Variants in GPR149 observed in about 807,000 individuals in gnomAD.
The protein encoded by GPR149 is probable G protein-coupled receptor 149.
GPR149 carries 50 observed loss-of-function variants against 50.2 expected under a neutral mutation model. That is an observed-to-expected ratio of 1.00 (90% confidence interval 0.79 to 1.26). The LOEUF (loss-of-function observed/expected upper bound fraction) is 1.26. Ranked by LOEUF, GPR149 falls within the 50% of genes most tolerant of loss-of-function variation. GPR149 has a pLI of 0.00. For missense variants in GPR149, 983 were observed against 895.4 expected (o/e 1.10, Z -1.25); for synonymous variants, 405 against 358.2 (o/e 1.13, Z -1.48).
In GPR149 at chr3:154,426,897, T is replaced by A. The variant is rs1027362553; in HGVS notation, c.1174+619A>T. Among the ~76,000 whole-genome samples the A allele has an allele frequency of 1.8e-4, 28 of 151,508 alleles. No individual in the cohort carries two copies. The East Asian group carries it at 5.5e-3, about 30-fold the overall frequency. On this transcript the variant is annotated intron_variant, in intron 2 of 3. Coordinates refer to ENST00000389740, the MANE Select transcript of GPR149 (RefSeq NM_001038705.3). ...GTGTGTGTGTGTGTGTGTGTGTGTG[T>A]GTGTGTGTGTGTGTGTGAGACAGAG...
intron 3 of GPR149, among the ~76,000 whole-genome samples, chr3:154,387,773 C>A (rs1715078021): frequency 6.6e-6 from 1 of 152,070 alleles, no homozygotes; most frequent in African/African-American, 2.4e-5. Context: ...AAGCTCCGGG[C>A]ACTCTCCAGA....
intron 3 of GPR149, among the ~76,000 whole-genome samples, chr3:154,388,739 G>T (rs991150472): frequency 6.6e-6 from 1 of 152,054 alleles, no homozygotes; most frequent in Non-Finnish European, 1.5e-5. Flanking sequence ...CTATCTGTAT[G>T]TGCTGGAGGT....
intron 3 of GPR149, among the ~76,000 whole-genome samples, chr3:154,376,751 C>T (rs1291096992): frequency 1.3e-5 from 2 of 152,122 alleles, no homozygotes; most frequent in African/African-American, 4.8e-5. Flanking sequence ...TGCAAAAACA[C>T]TCCCTCTCTT....
At chr3:154,345,692 C>T (rs776910243) in intron 3 of GPR149, among the ~76,000 whole-genome samples, 10 of 152,108 alleles carry the variant, frequency 6.6e-5, no homozygotes, top group Admixed American at 2.6e-4. Flanking sequence ...TTCTTCACTA[C>T]GAGCCTCCAG....
intron 3 of GPR149, among the ~76,000 whole-genome samples, chr3:154,401,651 T>TG (rs1258425253): frequency 6.6e-6 from 1 of 151,584 alleles, no homozygotes; most frequent in Non-Finnish European, 1.5e-5. Context: ...GAAGGCAAAC[T>TG]GGGGGGAAAA....
intron 3 of GPR149, among the ~76,000 whole-genome samples, chr3:154,367,645 G>T (rs1714561078): frequency 6.6e-6 from 1 of 152,070 alleles, no homozygotes; most frequent in Non-Finnish European, 1.5e-5. Flanking sequence ...TACCCACTTG[G>T]GACACCTTCC....
In GPR149 at chr3:154,335,445, T is replaced by C. The variant is rs1374204686; in HGVS notation, c.*2254A>G. The C allele has an allele frequency of 6.6e-6, 1 of 152,164 alleles. No individual in the cohort carries two copies. The highest frequency in any genetic ancestry group is 1.5e-5 in the Non-Finnish European group (1 of 67,988). 9.4% of individuals were successfully genotyped at this position (152,164 alleles called of 1,614,324 possible). A position where few individuals can be genotyped will look rare whatever the true frequency, so the allele number is the denominator to read the frequency against. On this transcript the variant is annotated 3_prime_UTR_variant, in exon 4 of 4. Transcript: ENST00000389740. The stretch of plus-strand genomic sequence containing the variant: ...ATTTTTCTTGTATATTCAGCTATTG[T>C]TGGCTTGGAGTTTGAAGTGTTACAG...
At position 154,429,641 on chromosome 3, in the gene GPR149, C is replaced by G. The variant is rs1317494029; in HGVS notation, c.-26G>C. 1 of 1,581,426 alleles carries G rather than the reference C, an allele frequency of 6.3e-7. No homozygotes were observed. The highest frequency in any genetic ancestry group is 8.6e-7 in the Non-Finnish European group (1 of 1,159,782). ...TGTCCTTGGTCAATATTTAATTTCC[C>G]TTATCAATGAGTCTGATAATTTTCT... On this transcript the variant is annotated 5_prime_UTR_variant, in exon 1 of 4. Coordinates refer to ENST00000389740, the MANE Select transcript of GPR149 (RefSeq NM_001038705.3).
chr3:154,394,035 A>T (rs1229922634), intron 3 of GPR149, among the ~76,000 whole-genome samples: 1 of 152,002 alleles, frequency 6.6e-6, no homozygotes, highest in African/African-American at 2.4e-5. Context: ...AAACCCAATC[A>T]CATCTTTTAC....
intron 3 of GPR149, among the ~76,000 whole-genome samples, chr3:154,366,726 A>T (rs1714540934): frequency 6.6e-6 from 1 of 152,182 alleles, no homozygotes; most frequent in Admixed American, 6.5e-5. Context: ...TGGCATTGAG[A>T]TGTCCTGTCT....
intron 3 of GPR149, among the ~76,000 whole-genome samples, chr3:154,357,025 C>T (rs541288591): frequency 1.3e-5 from 2 of 152,072 alleles, no homozygotes; most frequent in Non-Finnish European, 2.9e-5. Flanking sequence ...AGAAATAATG[C>T]CACATATTTA....
intron 3 of GPR149, among the ~76,000 whole-genome samples, chr3:154,415,008 A>G (rs988096154): frequency 6.6e-6 from 1 of 152,012 alleles, no homozygotes; most frequent in East Asian, 1.9e-4. Flanking sequence ...GTAACTTTAC[A>G]TTAGTGGAAA....
chr3:154,402,366 T>G (rs1711567212), intron 3 of GPR149, among the ~76,000 whole-genome samples: 1 of 151,656 alleles, frequency 6.6e-6, no homozygotes, highest in Non-Finnish European at 1.5e-5. Flanking sequence ...TGGTGAGCTA[T>G]GATCATACCA....
At chr3:154,416,854 C>G (rs1712004565) in intron 3 of GPR149, among the ~76,000 whole-genome samples, 1 of 151,874 alleles carries the variant, frequency 6.6e-6, no homozygotes, top group African/African-American at 2.4e-5. Context: ...AATGGAGGAC[C>G]TTGCACCTTA....
chr3:154,421,501 A>G lies in GPR149; in HGVS notation c.1175-14T>C, dbSNP rs1489537977. 7.0e-7 allele frequency: 1 copy of G among 1,432,580 alleles called. No homozygotes were observed. Among genetic ancestry groups the G allele is most frequent in the South Asian group, 1.3e-5 (1 of 75,504 alleles). The allele number at this position is 1,432,580 out of a possible 1,614,324, so 88.7% of individuals were successfully genotyped here. A position where few individuals can be genotyped will look rare whatever the true frequency, so the allele number is the denominator to read the frequency against. ...CTTTTCTCTTGACTGAGTAAAAATAAAAACAACAGTTTATGGCTAGTAAGG... is the reference window on the plus strand; with the variant it reads ...CTTTTCTCTTGACTGAGTAAAAATAGAAACAACAGTTTATGGCTAGTAAGG... On this transcript the variant is annotated splice_polypyrimidine_tract_variant and intron_variant, in intron 2 of 3. Transcript: ENST00000389740.
At chr3:154,374,688 C>CAT (rs201097777) in intron 3 of GPR149, among the ~76,000 whole-genome samples, 485 of 151,974 alleles carry the variant, frequency 3.2e-3, no homozygotes, top group African/African-American at 0.011. Context: ...GTCCAAAGGG[C>CAT]ATATATATAT....
chr3:154,367,394 T>A (rs1258995852), intron 3 of GPR149, among the ~76,000 whole-genome samples: 1 of 151,714 alleles, frequency 6.6e-6, no homozygotes, highest in Non-Finnish European at 1.5e-5. Context: ...TCAGCAGACC[T>A]TATCTATGCT....
At chr3:154,364,701 G>A (rs927883183) in intron 3 of GPR149, among the ~76,000 whole-genome samples, 1 of 152,242 alleles carries the variant, frequency 6.6e-6, no homozygotes, top group Non-Finnish European at 1.5e-5. Flanking sequence ...ATCTTCTTCA[G>A]CTCTATCTCC....
chr3:154,390,159 C>T (rs1004836557), intron 3 of GPR149, among the ~76,000 whole-genome samples: 1 of 152,058 alleles, frequency 6.6e-6, no homozygotes, highest in Non-Finnish European at 1.5e-5. Context: ...TCCATGAAGA[C>T]TGGGAGTGCG....
Sources: gnomAD v4.1 joint callset for allele counts (sites outside exome capture counted in the v4.1 genomes callset) on GRCh38, gnomAD v4.1.1 for gene constraint, MANE v1.5 for transcripts, NCBI Gene and HGNC (gene_info 2026-07-23, HGNC 2026-07-21) for gene names.